Variants in TOX observed in about 807,000 individuals in gnomAD.
TOX encodes thymocyte selection associated high mobility group box.
A neutral mutation model predicts 53.7 loss-of-function variants in TOX; 11 were observed. The observed-to-expected ratio is 0.20, with a 90% CI of 0.13 to 0.34. The LOEUF is 0.34. Among genes scored for constraint, TOX ranks in the 10% least tolerant of loss-of-function variants. TOX has a pLI of 1.00. For missense variants in TOX, 570 were observed against 664.6 expected, an observed-to-expected ratio of 0.86 and a Z score of 1.56; for synonymous variants, 225 against 245.3, an observed-to-expected ratio of 0.92 and a Z score of 0.77.
chr8:58,844,465 T>C (rs535113924), intron 4 of TOX, among the ~76,000 whole-genome samples: 2 of 152,230 alleles, frequency 1.3e-5, no homozygotes, highest in East Asian at 1.9e-4. Context: ...CTTTAGAATA[T>C]GGAAGAAACC....
intron 4 of TOX, among the ~76,000 whole-genome samples, chr8:58,847,672 C>T (rs573648880): frequency 7.9e-5 from 12 of 152,082 alleles, no homozygotes; most frequent in Middle Eastern, 6.8e-3. Flanking sequence ...TGATTACAAT[C>T]GGAATGCATG....
At chr8:58,943,748 C>G (rs1368101901) in intron 2 of TOX, among the ~76,000 whole-genome samples, 5 of 151,912 alleles carry the variant, frequency 3.3e-5, no homozygotes, top group African/African-American at 1.2e-4. Context: ...GTGGTATCAT[C>G]TTCTTCATCA....
chr8:59,024,256 T>A (rs1158763836), intron 1 of TOX, among the ~76,000 whole-genome samples: 2 of 152,210 alleles, frequency 1.3e-5, no homozygotes, highest in African/African-American at 2.4e-5. Flanking sequence ...TATTTTCGCT[T>A]ATAGTTTAGA....
intron 1 of TOX, among the ~76,000 whole-genome samples, chr8:59,017,648 C>T (rs1032470001): frequency 1.3e-5 from 2 of 152,196 alleles, no homozygotes; most frequent in East Asian, 1.9e-4. Flanking sequence ...AGAACAATTA[C>T]GTTGAATATG....
Position 58,875,435 on chromosome 8 carries a change from C to A in TOX, c.412-23630G>T, listed in dbSNP as rs373439227. ...TTTAATAGTTAACTTTTTGCATTTT[C>A]TCTCTGTCATTAAGTTTTTCAAAGA... On this transcript the variant is annotated intron_variant, in intron 3 of 8. Transcript: ENST00000361421. 9.9e-5 allele frequency among the ~76,000 whole-genome samples: 15 copies of A among 152,120 alleles called. No homozygotes were observed. The East Asian group carries it at 1.4e-3, about 14-fold the overall frequency.
intron 1 of TOX, among the ~76,000 whole-genome samples, chr8:59,010,412 A>G (rs1813882200): frequency 6.6e-6 from 1 of 152,228 alleles, no homozygotes; most frequent in South Asian, 2.1e-4. Context: ...AGTGCTGACA[A>G]GATCATATTA....
chr8:58,808,351 C>A, intron 7 of TOX, 82 bp from the exon 8 acceptor site: 1 of 1,515,030 alleles, frequency 6.6e-7, no homozygotes, highest in Non-Finnish European at 8.9e-7. Context: ...TCATTCTTTG[C>A]AGACACACTA....
intron 2 of TOX, among the ~76,000 whole-genome samples, chr8:58,946,968 G>A (rs1289425792): frequency 6.6e-6 from 1 of 151,774 alleles, no homozygotes; most frequent in Non-Finnish European, 1.5e-5. Flanking sequence ...TGCATTTATG[G>A]GTATTTGTTG....
At chr8:59,019,165 T>C (rs1173858256) in intron 1 of TOX, among the ~76,000 whole-genome samples, 1 of 152,214 alleles carries the variant, frequency 6.6e-6, no homozygotes. Flanking sequence ...TTGCTTTCTT[T>C]AGTGTACAAA....
intron 1 of TOX, among the ~76,000 whole-genome samples, chr8:59,050,652 C>T (rs901553126): frequency 6.6e-6 from 1 of 152,104 alleles, no homozygotes; most frequent in Non-Finnish European, 1.5e-5. Flanking sequence ...AATACAAACA[C>T]CTAAATATGT....
intron 6 of TOX, among the ~76,000 whole-genome samples, chr8:58,823,285 A>G (rs1038858745): frequency 4.6e-5 from 7 of 152,112 alleles, no homozygotes; most frequent in Non-Finnish European, 7.4e-5. Context: ...GGCAGGTGGT[A>G]CAATCTTGGC....
chr8:59,064,047 C>G (rs534215555), intron 1 of TOX, among the ~76,000 whole-genome samples: 2 of 152,046 alleles, frequency 1.3e-5, no homozygotes, highest in Admixed American at 6.6e-5. Flanking sequence ...AGTCCTTTGA[C>G]TCATTCCACT....
At chr8:58,885,632 T>A (rs1201886604) in intron 3 of TOX, among the ~76,000 whole-genome samples, 1 of 152,164 alleles carries the variant, frequency 6.6e-6, no homozygotes. Context: ...ACTTATCGCC[T>A]GTTCTTGGCT....
At position 58,923,619 on chromosome 8, in the gene TOX, T is replaced by TTTTATAAC. The variant is rs1427996553; in HGVS notation, c.411+15675_411+15682dup. 6.6e-5 allele frequency among the ~76,000 whole-genome samples: 10 copies of TTTTATAAC among 152,332 alleles called. No individual in the cohort carries two copies. In the East Asian group the frequency reaches 1.9e-3, roughly 29 times the overall value. On this transcript the variant is annotated intron_variant, in intron 3 of 8. Coordinates refer to ENST00000361421, the MANE Select transcript of TOX (RefSeq NM_014729.3). ...TAGCTTTTCCTGATTCCTTACATCA[T>TTTTATAAC]TTTATAACTTAAAGGGAGAGTGATG...
At chr8:58,901,868 C>G (rs1811738746) in intron 3 of TOX, among the ~76,000 whole-genome samples, 1 of 152,072 alleles carries the variant, frequency 6.6e-6, no homozygotes, top group South Asian at 2.1e-4. Context: ...CCTGGACAGA[C>G]TTTACAAAAA....
At chr8:59,002,547 C>T (rs1174164693) in intron 1 of TOX, among the ~76,000 whole-genome samples, 10 of 150,936 alleles carry the variant, frequency 6.6e-5, no homozygotes, top group Non-Finnish European at 1.0e-4. Context: ...AGCGAGATCG[C>T]GCCACTGCAC....
chr8:59,017,193 C>G (rs934733731), intron 1 of TOX, among the ~76,000 whole-genome samples: 4 of 152,170 alleles, frequency 2.6e-5, no homozygotes, highest in Non-Finnish European at 2.9e-5. Flanking sequence ...CTTTAGTTAG[C>G]TGTAATAAAC....
At chr8:58,843,205 C>T (rs1319411584) in intron 4 of TOX, among the ~76,000 whole-genome samples, 1 of 152,196 alleles carries the variant, frequency 6.6e-6, no homozygotes, top group Non-Finnish European at 1.5e-5. Flanking sequence ...CCTTTAAATA[C>T]TCATGTTAAC....
intron 3 of TOX, among the ~76,000 whole-genome samples, chr8:58,856,652 G>A (rs565067585): frequency 3.1e-4 from 47 of 152,168 alleles, no homozygotes; most frequent in Admixed American, 7.9e-4. Context: ...AGCTTCCTTT[G>A]CAGCTATGCA....
Sources: allele counts gnomAD v4.1 joint callset (sites outside exome capture counted in the v4.1 genomes callset), GRCh38; gene constraint gnomAD v4.1.1; transcripts MANE v1.5; gene names NCBI Gene and HGNC (gene_info 2026-07-23, HGNC 2026-07-21).